Variants in NBEAL1 observed in about 807,000 individuals in gnomAD.
NBEAL1 encodes neurobeachin-like protein 1.
A neutral mutation model predicts 351.3 loss-of-function variants in NBEAL1; 273 were observed. That is an observed-to-expected ratio of 0.78 (90% CI 0.70 to 0.86). The LOEUF (loss-of-function observed/expected upper bound fraction) is 0.86. NBEAL1 is among the 40% of genes least tolerant of loss of function. The probability of loss-of-function intolerance (pLI) is 0.00; values close to 1 mark genes in which losing one functional copy is unlikely to be tolerated. For missense variants in NBEAL1, 2,961 were observed against 3,201.3 expected (o/e 0.92, Z 1.81); for synonymous variants, 1,050 against 1,086.4 (o/e 0.97, Z 0.66).
At chr2:203,055,589 A>G (rs1350483193) in intron 4 of NBEAL1, among the ~76,000 whole-genome samples, 1 of 147,758 alleles carries the variant, frequency 6.8e-6, no homozygotes, top group Non-Finnish European at 1.5e-5. Flanking sequence ...TGGGCAACCG[A>G]GCAAGATCCC....
chr2:203,073,361 C>T (rs1165909116), intron 7 of NBEAL1, among the ~76,000 whole-genome samples: 5 of 152,180 alleles, frequency 3.3e-5, no homozygotes, highest in Non-Finnish European at 7.4e-5. Context: ...TAAAGTTGTT[C>T]ATAGTATTTC....
In NBEAL1 at chr2:203,209,711, A is replaced by ATGTGTGTGTGTGTG. The variant is rs1491566182; in HGVS notation, c.7785+390_7785+391insGTGTGTGTGTGTGT. ...AGTGACATCACTATTTATTTAATTA[A>ATGTGTGTGTGTGTG]TATGTGTGTGTGTGTGTGTGTGTGT... On this transcript the variant is annotated intron_variant, in intron 53 of 55. Transcript: ENST00000683969. Among the ~76,000 whole-genome samples, 73 of 32,984 alleles carry ATGTGTGTGTGTGTG rather than the reference A, an allele frequency of 2.2e-3. No individual in the cohort carries two copies. The Middle Eastern group carries it at 0.042, about 19-fold the overall frequency. 21.6% of individuals were successfully genotyped at this position (32,984 alleles called of 152,430 possible). A position where few individuals can be genotyped will look rare whatever the true frequency, so the allele number is the denominator to read the frequency against.
chr2:203,200,469 C>T (rs1302326940), intron 49 of NBEAL1, among the ~76,000 whole-genome samples: 2 of 152,010 alleles, frequency 1.3e-5, no homozygotes, highest in Non-Finnish European at 2.9e-5. Flanking sequence ...GCCGAGATAA[C>T]GCCACTGCAC....
intron 24 of NBEAL1, among the ~76,000 whole-genome samples, chr2:203,129,325 T>C (rs1382465327): frequency 6.6e-6 from 1 of 152,198 alleles, no homozygotes; most frequent in Non-Finnish European, 1.5e-5. Flanking sequence ...ACCTCCGCAA[T>C]ACCACAAATT....
rs1356656046 is a variant in NBEAL1 at position 203,175,242 on chromosome 2, G to A, written c.6419G>A (p.Arg2140His). The change falls in exon 42 of 56, where the codon CGT becomes CAT. Residue 2140 changes from arginine to histidine, a missense_variant. By Grantham distance (29) the Arg-to-His change is conservative (BLOSUM62 0). Coordinates refer to ENST00000683969, the MANE Select transcript of NBEAL1 (RefSeq NM_001378026.1). ...GCGGGGGTCATGCACTATCTCATTC[G>A]TGTAGAACCGTTCACCACCCTCCAC... ...NSAGVMHYLI[R>H]VEPFTTLHIQ... 4 of 1,613,814 alleles carry A rather than the reference G, an allele frequency of 2.5e-6. No individual in the cohort carries two copies. The highest frequency in any genetic ancestry group is 1.7e-5 in the Admixed American group (1 of 59,990).
intron 36 of NBEAL1, among the ~76,000 whole-genome samples, chr2:203,158,643 A>G (rs1463427783): frequency 6.6e-6 from 1 of 152,134 alleles, no homozygotes; most frequent in Non-Finnish European, 1.5e-5. Context: ...CTTTAAATGA[A>G]TTATAGGAGG....
Position 203,125,380 on chromosome 2 carries a change from A to G in NBEAL1, c.2711A>G (p.Asn904Ser), listed in dbSNP as rs1348732540. The G allele has an allele frequency of 1.9e-6, 3 of 1,541,910 alleles. No homozygotes were observed. The highest frequency in any genetic ancestry group is 2.8e-5 in the African/African-American group (2 of 72,718). The change falls in exon 20 of 56, where the codon AAT becomes AGT. Residue 904 changes from asparagine to serine, a missense_variant. By Grantham distance (46) the Asn-to-Ser change is conservative. Transcript: ENST00000683969. ...KDIINCIGGL[N>S]VLFPLLEQIS... ...ATCATAAACTGCATAGGTGGGTTAAATGTACTCTTTCCTTTATTGGAACAA... is the reference window on the plus strand; with the variant it reads ...ATCATAAACTGCATAGGTGGGTTAAGTGTACTCTTTCCTTTATTGGAACAA...
At chr2:203,122,759 T>G (rs1050806120) in intron 19 of NBEAL1, among the ~76,000 whole-genome samples, 1 of 152,224 alleles carries the variant, frequency 6.6e-6, no homozygotes, top group African/African-American at 2.4e-5. Flanking sequence ...CTACTTACTT[T>G]CCAAGACCAA....
At chr2:203,213,314 GA>G (rs1265130626) in intron 54 of NBEAL1, among the ~76,000 whole-genome samples, 8 of 152,100 alleles carry the variant, frequency 5.3e-5, no homozygotes, top group African/African-American at 1.7e-4. Flanking sequence ...CAAAAATAGA[GA>G]AAAAAATCTA....
intron 2 of NBEAL1, among the ~76,000 whole-genome samples, chr2:203,018,921 C>T (rs1319742275): frequency 2.0e-5 from 3 of 152,122 alleles, no homozygotes. Context: ...TTACTTTCCT[C>T]CTAGTTTCTT....
intron 15 of NBEAL1, among the ~76,000 whole-genome samples, 193 bp downstream of exon 15, chr2:203,110,475 C>T (rs2062541914): frequency 6.6e-6 from 1 of 151,902 alleles, no homozygotes; most frequent in Non-Finnish European, 1.5e-5. Flanking sequence ...GAGTTTGGGA[C>T]CATCCTGGGC....
At position 203,151,512 on chromosome 2, in the gene NBEAL1, C is replaced by G. The variant is rs755150261; in HGVS notation, c.5510C>G (p.Ser1837Cys). The G allele has an allele frequency of 6.2e-7, 1 of 1,609,346 alleles. No individual in the cohort carries two copies. The highest frequency in any genetic ancestry group is 1.1e-5 in the South Asian group (1 of 90,208). Residue 1837 changes from serine (S) to cysteine (C), a missense_variant, in exon 35 of 56, where the codon TCC becomes TGC. Transcript: ENST00000683969. The part of the protein sequence containing the change: ...HWKLANVENY[S>C]RMRLKLVPNY... Reference sequence around the variant, plus strand: ...AAGCTAGCTAATGTAGAGAATTATTCCCGCATGAGACTTAAGCTGGTACCG... The same window carrying G: ...AAGCTAGCTAATGTAGAGAATTATTGCCGCATGAGACTTAAGCTGGTACCG...
chr2:203,207,716 A>G (rs2065649639), intron 51 of NBEAL1, among the ~76,000 whole-genome samples: 1 of 152,222 alleles, frequency 6.6e-6, no homozygotes, highest in African/African-American at 2.4e-5. Context: ...TGAAGGCAGC[A>G]TGCTCGTTAA....
chr2:203,077,831 TG>T lies in NBEAL1; in HGVS notation c.681del (p.Gln228ArgfsTer40). ...ATCTCTTTGGAGCCATTGTAGCCGGTGGGCAGGTAAGGAAAGTGTTGAAATT... is the reference window on the plus strand; with the variant it reads ...ATCTCTTTGGAGCCATTGTAGCCGGTGGCAGGTAAGGAAAGTGTTGAAATT... The part of the protein sequence containing the change: ...LHLFGAIVAG[G>X]QRNALQAISP... On this transcript the variant is annotated frameshift_variant, in exon 8 of 56. Transcript: ENST00000683969. LOFTEE classifies it high-confidence loss of function. The T allele has an allele frequency of 6.9e-7, 1 of 1,444,046 alleles. No homozygotes were observed. Among genetic ancestry groups the T allele is most frequent in the South Asian group, 1.7e-5 (1 of 59,704 alleles). 89.5% of individuals were successfully genotyped at this position (1,444,046 alleles called of 1,614,324 possible).
rs141142182 is a variant in NBEAL1, at chr2:203,138,708, T to C, written c.4808T>C (p.Ile1603Thr). The C allele has an allele frequency of 4.4e-4, 704 of 1,613,144 alleles. 5 individuals are homozygous for C. The East Asian group carries it at 0.013, about 30-fold the overall frequency. The change falls in exon 31 of 56, where the codon ATC becomes ACC. Residue 1603 changes from isoleucine to threonine, a missense_variant. Ile to Thr is a moderately conservative substitution (Grantham distance 89, BLOSUM62 -1). Coordinates refer to ENST00000683969, the MANE Select transcript of NBEAL1 (RefSeq NM_001378026.1). The part of the protein sequence containing the change: ...PVWVKLSQIQ[I>T]QLLLGFIGRG... ...TGGGTAAAACTCTCTCAAATTCAGA[T>C]CCAGTTGCTTCTAGGATTCATTGGA...
chr2:203,178,275 C>T (rs964124343), intron 42 of NBEAL1, among the ~76,000 whole-genome samples: 1 of 151,716 alleles, frequency 6.6e-6, no homozygotes, highest in African/African-American at 2.4e-5. Context: ...AGCGATTCTC[C>T]TGCCTCAGCC....
At position 203,219,409 on chromosome 2, in the gene NBEAL1, C is replaced by G. The variant is rs934457425; in HGVS notation, c.*2055C>G. On this transcript the variant is annotated 3_prime_UTR_variant, in exon 56 of 56. Transcript: ENST00000683969. ...AAATGCCTAAGTTTATGATGTTTTA[C>G]TATGCTGCTTTTTAGATGGAAGAAA... The G allele has an allele frequency of 2.0e-5, 3 of 151,904 alleles. No homozygotes were observed. The highest frequency in any genetic ancestry group is 2.9e-5 in the Non-Finnish European group (2 of 67,988). 9.4% of individuals were successfully genotyped at this position (151,904 alleles called of 1,614,324 possible).
intron 51 of NBEAL1, among the ~76,000 whole-genome samples, chr2:203,207,090 G>A (rs1363651666): frequency 6.7e-6 from 1 of 149,178 alleles, no homozygotes; most frequent in African/African-American, 2.4e-5. Flanking sequence ...GGGATGTGAG[G>A]AGCGTCTCTG....
At chr2:203,169,547 C>CA (rs2064253617) in intron 38 of NBEAL1, among the ~76,000 whole-genome samples, 200 bp from the exon 39 acceptor site, 1 of 151,686 alleles carries the variant, frequency 6.6e-6, no homozygotes, top group Admixed American at 6.6e-5. Flanking sequence ...ACAAAAAATA[C>CA]AAAAAAATTA....
Sources: gnomAD v4.1 joint callset for allele counts (sites outside exome capture counted in the v4.1 genomes callset) on GRCh38, gnomAD v4.1.1 for gene constraint, MANE v1.5 for transcripts, NCBI Gene and HGNC (gene_info 2026-07-23, HGNC 2026-07-21) for gene names.